The following ZNF221 variants were observed in gnomAD, a reference collection of about 807,000 sequenced individuals.
ZNF221 encodes zinc finger protein 221.
In ZNF221, 10 loss-of-function variants were observed where a neutral mutation model predicts 12.6. The observed-to-expected ratio is 0.79, with a 90% CI of 0.49 to 1.34. The LOEUF is 1.34. Ranked by LOEUF, ZNF221 falls within the 40% of genes most tolerant of loss-of-function variation. ZNF221 has a pLI of 0.00. For synonymous variants in ZNF221, 232 were observed against 244.0 expected (o/e 0.95, Z 0.46); for missense variants, 661 against 721.4 (o/e 0.92, Z 0.96).
intron 1 of ZNF221, among the ~76,000 whole-genome samples, chr19:43,955,261 A>C (rs1315751389): frequency 6.6e-6 from 1 of 152,090 alleles, no homozygotes; most frequent in Admixed American, 6.5e-5. Flanking sequence ...GGTCCTTCCC[A>C]CCAGGGAATC....
chr19:43,957,731 A>T (rs74573172), intron 1 of ZNF221, among the ~76,000 whole-genome samples: 3,419 of 152,156 alleles, frequency 0.022, 141 homozygotes, highest in African/African-American at 0.079. Flanking sequence ...AACATCTTTA[A>T]TATCTTTAAA....
In ZNF221 at chr19:43,967,411, A is replaced by G. The variant is rs1000377306; in HGVS notation, c.*55A>G. 2.6e-5 allele frequency: 35 copies of G among 1,323,350 alleles called. No individual in the cohort carries two copies. Among genetic ancestry groups the G allele is most frequent in the East Asian group, 6.9e-5 (3 of 43,410 alleles). The allele number at this position is 1,323,350 out of a possible 1,614,324, so 82.0% of individuals were successfully genotyped here. ...GGGCCTCAACTCATCTGACCCATCAATTCTCCACAGCAGAGAAAAACCATT... is the reference window on the plus strand; with the variant it reads ...GGGCCTCAACTCATCTGACCCATCAGTTCTCCACAGCAGAGAAAAACCATT... On this transcript the variant is annotated 3_prime_UTR_variant, in exon 5 of 5. Transcript: ENST00000587682.
intron 1 of ZNF221, among the ~76,000 whole-genome samples, chr19:43,953,003 C>A (rs186566361): frequency 2.0e-5 from 3 of 152,194 alleles, no homozygotes; most frequent in African/African-American, 7.2e-5. Context: ...GTCTCACTCT[C>A]ATGCCCAGGA....
At chr19:43,974,629 GA>G in the ZNF221 span, among the ~76,000 whole-genome samples, 5,624 of 152,060 alleles carry the variant, frequency 0.037, 283 homozygotes, top group African/African-American at 0.11. Context: ...TGACAAACAT[GA>G]AAAAAAAGCT....
Position 43,955,346 on chromosome 19 carries a change from A to C in ZNF221, c.-3+3946A>C, listed in dbSNP as rs142123366. 3.4e-4 allele frequency among the ~76,000 whole-genome samples: 52 copies of C among 151,482 alleles called. No individual in the cohort carries two copies. The East Asian group carries it at 8.1e-3, about 24-fold the overall frequency. ...TTTTCATCTGCATTTTGTGCCTCAGAGGGTGCAAGAACATGTCTCGATTTA... is the reference window on the plus strand; with the variant it reads ...TTTTCATCTGCATTTTGTGCCTCAGCGGGTGCAAGAACATGTCTCGATTTA... On this transcript the variant is annotated intron_variant, in intron 1 of 4. Coordinates refer to ENST00000587682, the MANE Select transcript of ZNF221 (RefSeq NM_001297588.2).
At chr19:43,967,758 G>A (rs924924317), downstream of ZNF221, 26 of 171,852 alleles carry the variant, frequency 1.5e-4, no homozygotes, top group Non-Finnish European at 2.4e-4. Flanking sequence ...GATTACAGGC[G>A]TGAGCCACTG....
At chr19:43,979,439 A>G in the ZNF221 span, among the ~76,000 whole-genome samples, 1 of 118,558 alleles carries the variant, frequency 8.4e-6, no homozygotes, top group African/African-American at 3.0e-5. Flanking sequence ...ATATATATAT[A>G]TATATGGAAG....
chr19:43,951,743 A>C (rs1055714068), intron 1 of ZNF221, among the ~76,000 whole-genome samples: 15 of 151,218 alleles, frequency 9.9e-5, no homozygotes, highest in African/African-American at 3.7e-4. Context: ...ATCTCTTGTT[A>C]ATTTCCTGAG....
At chr19:43,972,064 C>G (rs1229525796), downstream of ZNF221, among the ~76,000 whole-genome samples, 1 of 152,084 alleles carries the variant, frequency 6.6e-6, no homozygotes, top group Non-Finnish European at 1.5e-5. Flanking sequence ...CAGACCATAG[C>G]ACAATCAAAT....
At chr19:43,955,408 C>G (rs1348532944) in intron 1 of ZNF221, among the ~76,000 whole-genome samples, 1 of 152,196 alleles carries the variant, frequency 6.6e-6, no homozygotes, top group Non-Finnish European at 1.5e-5. Flanking sequence ...CCCATATCCA[C>G]TAATTTCACG....
chr19:43,952,687 T>G (rs921141179), intron 1 of ZNF221, among the ~76,000 whole-genome samples: 5 of 152,188 alleles, frequency 3.3e-5, no homozygotes, highest in Non-Finnish European at 1.5e-5. Context: ...ACATTCTCAC[T>G]GAGGCAGAGG....
intron 1 of ZNF221, among the ~76,000 whole-genome samples, chr19:43,960,966 C>T (rs557532158): frequency 6.6e-6 from 1 of 152,328 alleles, no homozygotes; most frequent in Admixed American, 6.5e-5. Flanking sequence ...AGGGCACTAC[C>T]TAATGGATCT....
chr19:43,970,280 A>G (rs981823135), downstream of ZNF221, among the ~76,000 whole-genome samples: 1 of 152,194 alleles, frequency 6.6e-6, no homozygotes, highest in Non-Finnish European at 1.5e-5. Flanking sequence ...CAACCTCAAG[A>G]TTGAAGGTAG....
intron 1 of ZNF221, chr19:43,960,114 T>C (rs1974819891): frequency 6.6e-6 from 1 of 152,074 alleles, no homozygotes; most frequent in African/African-American, 2.4e-5. Context: ...GAGGAAGTTA[T>C]TGGGAACTGG....
the ZNF221 span, chr19:43,978,369 G>A: frequency 2.0e-5 from 3 of 152,160 alleles, no homozygotes; most frequent in Non-Finnish European, 2.9e-5. Flanking sequence ...TTTTGTGCAT[G>A]TGGTATCAGA....
At chr19:43,964,861 C>A in intron 2 of ZNF221, 89 bp from the exon 3 acceptor site, 1 of 1,545,130 alleles carries the variant, frequency 6.5e-7, no homozygotes, top group South Asian at 1.2e-5. Flanking sequence ...GACAACTTAC[C>A]ACACCTGTCC....
intron 1 of ZNF221, among the ~76,000 whole-genome samples, chr19:43,957,456 A>T (rs1305528362): frequency 1.6e-4 from 25 of 152,186 alleles, no homozygotes; most frequent in Admixed American, 1.6e-3. Flanking sequence ...TACAGGCATG[A>T]GCCACCATAA....
intron 2 of ZNF221, 108 bp downstream of exon 2, chr19:43,962,915 G>T: frequency 3.7e-6 from 4 of 1,071,858 alleles, no homozygotes; most frequent in East Asian, 5.6e-5. Context: ...GCATTTGAGG[G>T]CATTTTGTTT....
rs140348029 is a variant in ZNF221 at position 43,965,916 on chromosome 19, C to T, written c.414C>T (p.Asn138=). 2.0e-5 allele frequency: 33 copies of T among 1,614,086 alleles called. No individual in the cohort carries two copies. Among genetic ancestry groups the T allele is most frequent in the Admixed American group, 3.3e-5 (2 of 60,008 alleles). ...QIASDLTRSQ[N]SIRNSSQFFK... ...CAAGTGACCTAACCAGGTCTCAAAA[C>T]TCCATAAGGAACAGCTCTCAGTTCT... Residue 138 remains asparagine (N), a synonymous_variant, in exon 5 of 5, where the codon AAC becomes AAT. Coordinates refer to ENST00000587682, the MANE Select transcript of ZNF221 (RefSeq NM_001297588.2).
Sources: gnomAD v4.1 joint callset for allele counts (sites outside exome capture counted in the v4.1 genomes callset) on GRCh38, gnomAD v4.1.1 for gene constraint, MANE v1.5 for transcripts, NCBI Gene and HGNC (gene_info 2026-07-23, HGNC 2026-07-21) for gene names.